The following HIVEP2 variants were observed in gnomAD, a reference collection of about 807,000 sequenced individuals.
HIVEP2 encodes transcription factor HIVEP2.
A neutral mutation model predicts 180.7 loss-of-function variants in HIVEP2; 14 were observed. The ratio of observed to expected loss-of-function variants is 0.08; its 90% confidence interval spans 0.05 to 0.12. The LOEUF (loss-of-function observed/expected upper bound fraction) is 0.12. Ranked by LOEUF, HIVEP2 falls within the 10% of genes least tolerant of loss-of-function variation. HIVEP2 has a pLI of 1.00. For missense variants in HIVEP2, 2,579 were observed against 3,008.5 expected (o/e 0.86, Z 3.34); for synonymous variants, 1,184 against 1,136.4 (o/e 1.04, Z -0.84).
rs1159187269 is a variant in HIVEP2, at chr6:142,773,925, G to A, written c.814C>T (p.His272Tyr). ...TCTGTACTCTGTTCACCATCTGAAT[G>A]TATTTCTGCTTCTACATCAATAAAA... Reference protein sequence around the residue: ...AGFIDVEAEIHSDGEQSTDTD... With the variant: ...AGFIDVEAEIYSDGEQSTDTD... The change falls in exon 5 of 10, where the codon CAT becomes TAT. Residue 272 changes from histidine (H) to tyrosine (Y), a missense_variant. His to Tyr is a moderately conservative substitution (Grantham distance 83). Coordinates refer to ENST00000367603, the MANE Select transcript of HIVEP2 (RefSeq NM_006734.4). 4 of 1,613,906 alleles carry A rather than the reference G, an allele frequency of 2.5e-6. No individual in the cohort carries two copies. Among genetic ancestry groups the A allele is most frequent in the Non-Finnish European group, 3.4e-6 (4 of 1,180,046 alleles).
intron 9 of HIVEP2, among the ~76,000 whole-genome samples, chr6:142,757,587 G>C (rs960386258): frequency 6.6e-6 from 1 of 152,158 alleles, no homozygotes; most frequent in Non-Finnish European, 1.5e-5. Flanking sequence ...GAACCCAGGA[G>C]GTGGAGGTTG....
intron 1 of HIVEP2, among the ~76,000 whole-genome samples, chr6:142,911,040 G>A (rs1777389093): frequency 6.7e-6 from 1 of 149,038 alleles, no homozygotes; most frequent in African/African-American, 2.5e-5. Context: ...CAATGCACTG[G>A]ATAAAATTAA....
intron 2 of HIVEP2, among the ~76,000 whole-genome samples, chr6:142,789,031 C>T (rs1489543203): frequency 6.6e-6 from 1 of 152,092 alleles, no homozygotes; most frequent in Admixed American, 6.5e-5. Context: ...TCCGGTTTCT[C>T]TATGATTATA....
In HIVEP2 at chr6:142,770,326, C is replaced by T; in HGVS notation, c.4413G>A (p.Glu1471=). The T allele has an allele frequency of 6.2e-7, 1 of 1,614,188 alleles. No individual in the cohort carries two copies. Among genetic ancestry groups the T allele is most frequent in the African/African-American group, 1.3e-5 (1 of 75,038 alleles). ...TGGTCAGCTCCACAGCACTAAGCTC[C>T]TCCACAATCTGTCCGTACATCTTTT... The part of the protein sequence containing the change: ...KEEKMYGQIV[E]ELSAVELTNS... Residue 1471 remains glutamate, a synonymous_variant, in exon 5 of 10, where the codon GAG becomes GAA. Transcript: ENST00000367603. This position sits in a 1 kb window ranked among gnomAD's most constrained non-coding sequence, Gnocchi z 4.7.
intron 1 of HIVEP2, among the ~76,000 whole-genome samples, chr6:142,861,232 T>C (rs564246952): frequency 3.9e-5 from 6 of 152,316 alleles, no homozygotes; most frequent in African/African-American, 1.4e-4. Context: ...CATTGTCTTA[T>C]ATATTATTAC....
At chr6:142,926,943 T>C (rs9403424) in intron 1 of HIVEP2, among the ~76,000 whole-genome samples, 3 of 151,974 alleles carry the variant, frequency 2.0e-5, no homozygotes, top group East Asian at 1.9e-4. Flanking sequence ...GCATTCATGC[T>C]CCCTCGGGTG....
chr6:142,815,716 C>T (rs1582884152), intron 2 of HIVEP2, among the ~76,000 whole-genome samples: 1 of 152,138 alleles, frequency 6.6e-6, no homozygotes, highest in East Asian at 1.9e-4. Context: ...TTGTGCTAAG[C>T]GTTTCACATG....
At chr6:142,907,845 C>A (rs1777306727) in intron 1 of HIVEP2, among the ~76,000 whole-genome samples, 1 of 152,282 alleles carries the variant, frequency 6.6e-6, no homozygotes. Flanking sequence ...GGAGCAGAAC[C>A]ACTTTAAACA....
At chr6:142,939,413 T>C (rs923778891) in intron 1 of HIVEP2, among the ~76,000 whole-genome samples, 2 of 152,070 alleles carry the variant, frequency 1.3e-5, no homozygotes, top group African/African-American at 4.8e-5. Context: ...CCTTCAGTGA[T>C]GTCCAGCTTT....
chr6:142,772,242 G>T lies in HIVEP2; in HGVS notation c.2497C>A (p.Pro833Thr). ...VACTQDKAPSPSETCDSEISE... is the reference protein window; with the variant it reads ...VACTQDKAPSTSETCDSEISE... ...ATCTCACTGTCACAAGTCTCTGAAG[G>T]GGAAGGGGCTTTATCCTGTGTGCAA... is the stretch of plus-strand genomic sequence containing the variant. The change falls in exon 5 of 10, where the codon CCT (proline) becomes ACT (threonine). Residue 833 changes from proline (P) to threonine (T), a missense_variant. Pro to Thr is a conservative substitution (Grantham distance 38, BLOSUM62 -1). Around this residue, in one of 11 missense-constraint regions of HIVEP2, gnomAD observed 524 missense variants for 563.6 expected, o/e 0.93. Coordinates refer to ENST00000367603, the MANE Select transcript of HIVEP2 (RefSeq NM_006734.4). This position sits in a 1 kb window ranked among gnomAD's most constrained non-coding sequence, Gnocchi z 4.9. The T allele has an allele frequency of 6.2e-7, 1 of 1,614,182 alleles. No individual in the cohort carries two copies.
intron 8 of HIVEP2, 51 bp downstream of exon 8, chr6:142,761,413 C>T: frequency 2.3e-6 from 2 of 879,392 alleles, no homozygotes; most frequent in African/African-American, 1.6e-5. Context: ...AGCCACAGAG[C>T]TCCACTGTGC....
chr6:142,891,687 G>A (rs1159319779), intron 1 of HIVEP2, among the ~76,000 whole-genome samples: 1 of 152,108 alleles, frequency 6.6e-6, no homozygotes, highest in African/African-American at 2.4e-5. Context: ...GCCCTCCTGT[G>A]TAAAATGAGA....
intron 7 of HIVEP2, among the ~76,000 whole-genome samples, chr6:142,764,241 T>C (rs1413373185): frequency 1.3e-5 from 2 of 152,220 alleles, no homozygotes; most frequent in East Asian, 3.8e-4. Context: ...AGGCAAGTCC[T>C]AGTTTTATAA....
At chr6:142,862,695 A>T (rs1776023943) in intron 1 of HIVEP2, among the ~76,000 whole-genome samples, 1 of 141,552 alleles carries the variant, frequency 7.1e-6, no homozygotes, top group Non-Finnish European at 1.5e-5. Flanking sequence ...ACATTTAATT[A>T]TATATGTAAC....
At chr6:142,918,616 C>A (rs1323825725) in intron 1 of HIVEP2, among the ~76,000 whole-genome samples, 1 of 152,132 alleles carries the variant, frequency 6.6e-6, no homozygotes, top group Non-Finnish European at 1.5e-5. Flanking sequence ...GAACGTGATA[C>A]CCTGAAGCAC....
intron 1 of HIVEP2, among the ~76,000 whole-genome samples, chr6:142,915,336 C>T (rs184905681): frequency 6.2e-4 from 95 of 152,236 alleles, no homozygotes; most frequent in African/African-American, 2.1e-3. Flanking sequence ...ACAGAAATGG[C>T]GAACACTACA....
chr6:142,915,921 T>C (rs929149426), intron 1 of HIVEP2, among the ~76,000 whole-genome samples: 14 of 152,142 alleles, frequency 9.2e-5, no homozygotes, highest in African/African-American at 3.4e-4. Context: ...AAAACAAAAG[T>C]CACCACTTTC....
At chr6:142,936,000 C>G (rs1296727575) in intron 1 of HIVEP2, among the ~76,000 whole-genome samples, 1 of 151,868 alleles carries the variant, frequency 6.6e-6, no homozygotes, top group African/African-American at 2.4e-5. Context: ...GCAGTCCCAG[C>G]TACTCAGGGG....
In HIVEP2 at chr6:142,772,596, T is replaced by G. The variant is rs893464621; in HGVS notation, c.2143A>C (p.Ser715Arg). 4 of 1,614,112 alleles carry G rather than the reference T, an allele frequency of 2.5e-6. No individual in the cohort carries two copies. The highest frequency in any genetic ancestry group is 4.5e-5 in the East Asian group (2 of 44,892). Residue 715 changes from serine (S) to arginine (R), a missense_variant, in exon 5 of 10, where the codon AGC (serine) becomes CGC (arginine). Physicochemically the swap from Ser to Arg is moderately radical, Grantham distance 110. This residue lies in a region of HIVEP2 where 524 missense variants were observed against 563.6 expected (regional missense o/e 0.93). Coordinates refer to ENST00000367603, the MANE Select transcript of HIVEP2 (RefSeq NM_006734.4). This position sits in a 1 kb window ranked among gnomAD's most constrained non-coding sequence, Gnocchi z 4.9. ...DEEDTPMICS[S>R]IVSTPVGIMA... ...ATGCCCACAGGAGTGCTTACAATGC[T>G]GCTGCAGATCATGGGCGTGTCCTCT...
Sources: gnomAD v4.1 joint callset for allele counts (sites outside exome capture counted in the v4.1 genomes callset) on GRCh38, gnomAD v4.1.1 for gene constraint, gnomAD v4.1.1 regional missense constraint, Gnocchi (gnomAD v3.1) non-coding constraint, MANE v1.5 for transcripts, NCBI Gene and HGNC (gene_info 2026-07-23, HGNC 2026-07-21) for gene names.